ST3GAL1: variants seen among roughly 807,000 people sequenced by gnomAD.
ST3GAL1 encodes ST3 beta-galactoside alpha-2,3-sialyltransferase 1, also known as CMP-N-acetylneuraminate-beta-galactosamide-alpha-2,3-sialyltransferase 1.
In ST3GAL1, 16 loss-of-function variants were observed where a neutral mutation model predicts 34.1. The observed-to-expected ratio is 0.47, with a 90% CI of 0.32 to 0.71. The LOEUF is 0.71. Ranked by LOEUF, ST3GAL1 falls within the 30% of genes least tolerant of loss-of-function variation. The probability of loss-of-function intolerance (pLI) is 0.04; values close to 1 mark genes in which losing one functional copy is unlikely to be tolerated. For synonymous variants in ST3GAL1, 191 were observed against 184.7 expected (o/e 1.03, Z -0.28); for missense variants, 353 against 447.4 (o/e 0.79, Z 1.90).
chr8:133,484,065 A>G (rs1431107431), intron 3 of ST3GAL1, among the ~76,000 whole-genome samples: 24 of 151,920 alleles, frequency 1.6e-4, no homozygotes, highest in Admixed American at 1.6e-3. Flanking sequence ...CTTTTTTTGC[A>G]TTGTTTTTTA....
chr8:133,491,035 G>T (rs903972201), intron 3 of ST3GAL1, among the ~76,000 whole-genome samples: 3 of 152,092 alleles, frequency 2.0e-5, no homozygotes, highest in African/African-American at 7.2e-5. Context: ...TTGCACCTTA[G>T]TGCCTCCTGC....
rs117795283 is a variant in ST3GAL1 at position 133,517,326 on chromosome 8, C to T, written c.-428-18137G>A. ...CCACCAAACTGGTGGATAACTCACC[C>T]AGTCTTGCACTTTTTTATTTTTTTA... On this transcript the variant is annotated intron_variant, in intron 2 of 9. Coordinates refer to ENST00000522652, the MANE Select transcript of ST3GAL1 (RefSeq NM_173344.3). 1.1e-4 allele frequency among the ~76,000 whole-genome samples: 16 copies of T among 152,262 alleles called. No individual in the cohort carries two copies. The East Asian group carries it at 2.3e-3, about 22-fold the overall frequency.
chr8:133,548,267 G>A (rs563043495), intron 1 of ST3GAL1, among the ~76,000 whole-genome samples: 5 of 152,264 alleles, frequency 3.3e-5, no homozygotes, highest in African/African-American at 1.2e-4. Context: ...GGGGATCCTT[G>A]TAAATTGTAA....
At chr8:133,491,002 G>A (rs891306399) in intron 3 of ST3GAL1, among the ~76,000 whole-genome samples, 1 of 152,110 alleles carries the variant, frequency 6.6e-6, no homozygotes, top group Non-Finnish European at 1.5e-5. Context: ...AGAACCCTTC[G>A]ATGTGCTTGC....
At chr8:133,565,970 C>T (rs557830899) in intron 1 of ST3GAL1, among the ~76,000 whole-genome samples, 19 of 152,248 alleles carry the variant, frequency 1.2e-4, no homozygotes, top group Non-Finnish European at 1.9e-4. Context: ...ACCACAATAG[C>T]GTCCACTGCA....
chr8:133,463,534 G>C, intron 7 of ST3GAL1, 75 bp from the exon 8 acceptor site: 1 of 1,502,284 alleles, frequency 6.7e-7, no homozygotes, highest in Admixed American at 1.8e-5. Flanking sequence ...AGCTCTGGGG[G>C]TAGTGGCTAG....
chr8:133,536,956 G>T (rs566939638), intron 2 of ST3GAL1, among the ~76,000 whole-genome samples: 1 of 152,206 alleles, frequency 6.6e-6, no homozygotes, highest in African/African-American at 2.4e-5. Context: ...TGCACCAGCT[G>T]GGTGTCCTCC....
At chr8:133,547,340 C>T (rs1303538173) in intron 1 of ST3GAL1, among the ~76,000 whole-genome samples, 1 of 152,098 alleles carries the variant, frequency 6.6e-6, no homozygotes, top group African/African-American at 2.4e-5. Flanking sequence ...GCATGACTAC[C>T]ACTCACTGCA....
At position 133,570,643 on chromosome 8, in the gene ST3GAL1, G is replaced by C. The variant is rs1819540316; in HGVS notation, c.-582+1050C>G. 6.6e-6 allele frequency among the ~76,000 whole-genome samples: 1 copy of C among 152,206 alleles called. No individual in the cohort carries two copies. The highest frequency in any genetic ancestry group is 1.5e-5 in the Non-Finnish European group (1 of 68,034). On this transcript the variant is annotated intron_variant, in intron 1 of 9. Transcript: ENST00000522652. The surrounding 1 kb of genome is among the most constrained non-coding windows in gnomAD (Gnocchi z 5.6). ...TCCGACGTCTCTGTGCCAAGCCGGGGCGCAAGCTCAACCCCCATCTCAAGT... is the reference window on the plus strand; with the variant it reads ...TCCGACGTCTCTGTGCCAAGCCGGGCCGCAAGCTCAACCCCCATCTCAAGT...
At chr8:133,512,626 T>C (rs1008127844) in intron 2 of ST3GAL1, among the ~76,000 whole-genome samples, 2 of 152,182 alleles carry the variant, frequency 1.3e-5, no homozygotes, top group African/African-American at 4.8e-5. Context: ...CCAGGTCCTA[T>C]GGCCAGCTGT....
chr8:133,552,821 T>C (rs1818900073), intron 1 of ST3GAL1, among the ~76,000 whole-genome samples: 1 of 152,116 alleles, frequency 6.6e-6, no homozygotes, highest in Non-Finnish European at 1.5e-5. Flanking sequence ...TCATCAACAA[T>C]AGCAACCATA....
At chr8:133,497,928 A>G (rs945663481) in intron 3 of ST3GAL1, among the ~76,000 whole-genome samples, 1 of 152,162 alleles carries the variant, frequency 6.6e-6, no homozygotes, top group African/African-American at 2.4e-5. Flanking sequence ...GCGGGATGTT[A>G]CACCAAGCAC....
At chr8:133,542,134 C>T (rs1236528729) in intron 2 of ST3GAL1, among the ~76,000 whole-genome samples, 1 of 152,182 alleles carries the variant, frequency 6.6e-6, no homozygotes, top group Non-Finnish European at 1.5e-5. Flanking sequence ...CAGACACACA[C>T]ATCCCAGTTA....
At chr8:133,533,697 G>A (rs1181356661) in intron 2 of ST3GAL1, among the ~76,000 whole-genome samples, 1 of 152,150 alleles carries the variant, frequency 6.6e-6, no homozygotes, top group East Asian at 1.9e-4. Flanking sequence ...TCCAGCTCTT[G>A]TTCCCCCATC....
At chr8:133,471,640 G>A (rs1815966320) in intron 5 of ST3GAL1, among the ~76,000 whole-genome samples, 1 of 152,134 alleles carries the variant, frequency 6.6e-6, no homozygotes, top group African/African-American at 2.4e-5. Context: ...TTAACTACAA[G>A]GGGATCTGAC....
chr8:133,466,118 A>C lies in ST3GAL1; in HGVS notation c.307-28T>G, dbSNP rs1027388395. The C allele has an allele frequency of 6.3e-7, 1 of 1,587,998 alleles. No homozygotes were observed. Among genetic ancestry groups the C allele is most frequent in the South Asian group, 1.1e-5 (1 of 88,444 alleles). On this transcript the variant is annotated intron_variant, in intron 5 of 9. Coordinates refer to ENST00000522652, the MANE Select transcript of ST3GAL1 (RefSeq NM_173344.3). This position sits in a 1 kb window ranked among gnomAD's most constrained non-coding sequence, Gnocchi z 4.4. Reference sequence around the variant, plus strand: ...GTGGGCGGAGGACAGAAGGTGGTCAACCTGGCTTTGTGGCTCCAGCCTCCT... The same window carrying C: ...GTGGGCGGAGGACAGAAGGTGGTCACCCTGGCTTTGTGGCTCCAGCCTCCT...
At chr8:133,462,049 G>A in intron 8 of ST3GAL1, 55 bp from the exon 9 acceptor site, 1 of 1,610,756 alleles carries the variant, frequency 6.2e-7, no homozygotes, top group Non-Finnish European at 8.5e-7. Context: ...AAAGGACATG[G>A]AGCGCCTGTC....
At chr8:133,489,350 G>A (rs541734156) in intron 3 of ST3GAL1, among the ~76,000 whole-genome samples, 1 of 152,224 alleles carries the variant, frequency 6.6e-6, no homozygotes, top group East Asian at 1.9e-4. Context: ...CAGGAGCTGT[G>A]CCCCACAGAA....
intron 2 of ST3GAL1, among the ~76,000 whole-genome samples, chr8:133,504,352 T>A (rs1427397423): frequency 6.6e-6 from 1 of 152,202 alleles, no homozygotes; most frequent in African/African-American, 2.4e-5. Context: ...GGAAGGCAAA[T>A]GTCAAGTTTC....
Sources: gnomAD v4.1 joint callset for allele counts (sites outside exome capture counted in the v4.1 genomes callset) on GRCh38, gnomAD v4.1.1 for gene constraint, Gnocchi (gnomAD v3.1) non-coding constraint, MANE v1.5 for transcripts, NCBI Gene and HGNC (gene_info 2026-07-23, HGNC 2026-07-21) for gene names.